Variants in CC2D2B observed in about 807,000 individuals in gnomAD.
The protein encoded by CC2D2B is coiled-coil and C2 domain containing 2B.
A neutral mutation model predicts 161.2 loss-of-function variants in CC2D2B; 128 were observed. That is an observed-to-expected ratio of 0.79 (90% CI 0.69 to 0.92). The LOEUF (loss-of-function observed/expected upper bound fraction) is 0.92. Ranked by LOEUF, CC2D2B falls within the 40% of genes least tolerant of loss-of-function variation. The pLI, the probability that CC2D2B is intolerant of heterozygous loss-of-function variation, is 0.00. For synonymous variants in CC2D2B, 391 were observed against 449.8 expected (o/e 0.87, Z 1.65); for missense variants, 1,173 against 1,375.1 (o/e 0.85, Z 2.32).
intron 25 of CC2D2B, among the ~76,000 whole-genome samples, chr10:96,009,198 G>A (rs1053296150): frequency 9.9e-5 from 15 of 152,018 alleles, no homozygotes; most frequent in Non-Finnish European, 1.5e-5. Flanking sequence ...ACTCTAGACA[G>A]CATACAGTTG....
In CC2D2B at chr10:95,962,763, G is replaced by GTT. The variant is rs35198734; in HGVS notation, c.1250+812_1250+813dup. Reference sequence around the variant, plus strand: ...TTGATTTTTTTTTCTTGCTGCAGTAGTTTTTTTTTTTTTTTTTTTAACAAA... The same window carrying GTT: ...TTGATTTTTTTTTCTTGCTGCAGTAGTTTTTTTTTTTTTTTTTTTTTAACAAA... On this transcript the variant is annotated intron_variant, in intron 12 of 34. Transcript: ENST00000646931. 9.1e-3 allele frequency among the ~76,000 whole-genome samples: 1,185 copies of GTT among 130,748 alleles called. 14 individuals are homozygous for GTT. Among genetic ancestry groups the GTT allele is most frequent in the African/African-American group, 0.018 (618 of 35,264 alleles). 85.8% of individuals were successfully genotyped at this position (130,748 alleles called of 152,430 possible).
At chr10:95,935,518 G>A (rs1432138952) in intron 6 of CC2D2B, among the ~76,000 whole-genome samples, 2 of 149,086 alleles carry the variant, frequency 1.3e-5, no homozygotes. Flanking sequence ...CTTTCTAATG[G>A]TTTCCTACCT....
In CC2D2B at chr10:96,003,021, AATAT is replaced by A. The variant is rs57187442; in HGVS notation, c.2850-1111_2850-1108del. Among the ~76,000 whole-genome samples, 488 of 140,698 alleles carry A rather than the reference AATAT, an allele frequency of 3.5e-3. 2 individuals carry two copies. The highest frequency in any genetic ancestry group is 0.011 in the African/African-American group (407 of 38,524). 92.3% of individuals were successfully genotyped at this position (140,698 alleles called of 152,430 possible). Reference sequence around the variant, plus strand: ...TAGACCCTGTCTCAAAAAATAAATAAATATATATATATATATATATATAGAAATA... The same window carrying A: ...TAGACCCTGTCTCAAAAAATAAATAAATATATATATATATATATAGAAATA... On this transcript the variant is annotated intron_variant, in intron 24 of 34. Coordinates refer to ENST00000646931, the MANE Select transcript of CC2D2B (RefSeq NM_001349008.3).
In CC2D2B at chr10:96,012,689, A is replaced by G; in HGVS notation, c.3386A>G (p.Gln1129Arg). The G allele has an allele frequency of 6.2e-7, 1 of 1,608,044 alleles. No individual in the cohort carries two copies. Among genetic ancestry groups the G allele is most frequent in the Non-Finnish European group, 8.5e-7 (1 of 1,174,630 alleles). Residue 1129 changes from glutamine (Q) to arginine (R), a missense_variant, in exon 28 of 35, where the codon CAA becomes CGA. By Grantham distance (43) the Gln-to-Arg change is conservative (BLOSUM62 1). Transcript: ENST00000646931. ...RYIKALNPPQ[Q>R]LLDIFLHNSN... ...ATCAAGGCATTAAATCCACCTCAGC[A>G]ACTTCTGGATATATTTCTTCACAAT...
chr10:95,956,394 T>A (rs931316987), intron 11 of CC2D2B, among the ~76,000 whole-genome samples: 1 of 152,092 alleles, frequency 6.6e-6, no homozygotes, highest in Non-Finnish European at 1.5e-5. Context: ...TATAACTTTT[T>A]AAAATATGAT....
intron 11 of CC2D2B, 42 bp downstream of exon 11, chr10:95,955,533 T>TA: frequency 2.5e-6 from 1 of 397,746 alleles, no homozygotes; most frequent in Non-Finnish European, 4.4e-6. Context: ...ATTCATTAAG[T>TA]AACTTCTTTA....
chr10:95,993,942 G>GTATATA (rs1159212300), intron 22 of CC2D2B, among the ~76,000 whole-genome samples: 9 of 25,354 alleles, frequency 3.5e-4, no homozygotes, highest in Non-Finnish European at 8.3e-4. Context: ...GTGTGTGTGT[G>GTATATA]TATGTATGTG....
intron 2 of CC2D2B, among the ~76,000 whole-genome samples, chr10:95,915,459 A>G (rs554314196): frequency 3.3e-5 from 5 of 152,314 alleles, no homozygotes; most frequent in Admixed American, 1.3e-4. Flanking sequence ...CAGTGGTGAA[A>G]GTAGGCATCC....
intron 33 of CC2D2B, 61 bp from the exon 34 acceptor site, chr10:96,027,151 T>C: frequency 8.1e-7 from 1 of 1,231,158 alleles, no homozygotes; most frequent in Non-Finnish European, 1.1e-6. Flanking sequence ...ACAAAACTCT[T>C]ATTATATTTA....
chr10:96,003,182 A>T (rs116679639), intron 24 of CC2D2B, among the ~76,000 whole-genome samples: 4 of 151,946 alleles, frequency 2.6e-5, no homozygotes, highest in Non-Finnish European at 5.9e-5. Context: ...AAAGTAACCT[A>T]TTGTACAGGA....
intron 2 of CC2D2B, among the ~76,000 whole-genome samples, chr10:95,911,815 C>CTAA (rs1379648010): frequency 6.6e-6 from 1 of 152,186 alleles, no homozygotes; most frequent in Non-Finnish European, 1.5e-5. Flanking sequence ...TATTTGGGAA[C>CTAA]TAATAAGGGA....
intron 32 of CC2D2B, among the ~76,000 whole-genome samples, chr10:96,023,217 T>G (rs140547724): frequency 6.6e-6 from 1 of 152,340 alleles, no homozygotes; most frequent in East Asian, 1.9e-4. Context: ...TCTATAAATG[T>G]AAAACTCATA....
At chr10:95,909,460 T>C (rs2098502163) in intron 1 of CC2D2B, among the ~76,000 whole-genome samples, 2 of 152,204 alleles carry the variant, frequency 1.3e-5, no homozygotes, top group Admixed American at 1.3e-4. Context: ...TAGGAAACAT[T>C]GCTATAAGAG....
In CC2D2B at chr10:96,013,895, A is replaced by C. The variant is rs542379350; in HGVS notation, c.3516+18A>C. 1.6e-6 allele frequency: 2 copies of C among 1,228,240 alleles called. No individual in the cohort carries two copies. The highest frequency in any genetic ancestry group is 1.6e-5 in the African/African-American group (1 of 63,988). 76.1% of individuals were successfully genotyped at this position (1,228,240 alleles called of 1,614,324 possible). A position where few individuals can be genotyped will look rare whatever the true frequency, so the allele number is the denominator to read the frequency against. ...CATCAGAGGTAATAAATTACATTTT[A>C]TATATATAATTGAAATATATAGTAT... On this transcript the variant is annotated intron_variant, in intron 29 of 34. Coordinates refer to ENST00000646931, the MANE Select transcript of CC2D2B (RefSeq NM_001349008.3).
intron 2 of CC2D2B, 37 bp from the exon 3 acceptor site, chr10:95,921,979 C>G: frequency 8.4e-7 from 1 of 1,191,452 alleles, no homozygotes. Context: ...AGTGACAAAA[C>G]AAGATGCAAG....
At chr10:95,988,218 T>C (rs1590759744) in intron 19 of CC2D2B, 32 bp from the exon 20 acceptor site, 2 of 921,536 alleles carry the variant, frequency 2.2e-6, no homozygotes, top group East Asian at 6.7e-5. Flanking sequence ...TTTGTTACAT[T>C]CAAGAAGTGA....
Position 96,032,349 on chromosome 10 carries a change from C to A in CC2D2B, c.*341C>A. 1 of 218,780 alleles carries A rather than the reference C, an allele frequency of 4.6e-6. No homozygotes were observed. 13.6% of individuals were successfully genotyped at this position (218,780 alleles called of 1,614,324 possible). A position where few individuals can be genotyped will look rare whatever the true frequency, so the allele number is the denominator to read the frequency against. ...GTTTCTCAAATTGTAGAATTCACACCACCTCCATTTGAATCATCTGGAGAG... is the reference window on the plus strand; with the variant it reads ...GTTTCTCAAATTGTAGAATTCACACAACCTCCATTTGAATCATCTGGAGAG... On this transcript the variant is annotated 3_prime_UTR_variant, in exon 35 of 35. Coordinates refer to ENST00000646931, the MANE Select transcript of CC2D2B (RefSeq NM_001349008.3).
chr10:95,941,761 C>T (rs1256506878), intron 9 of CC2D2B, among the ~76,000 whole-genome samples: 4 of 152,036 alleles, frequency 2.6e-5, no homozygotes, highest in East Asian at 1.9e-4. Context: ...TAAAATGGTG[C>T]GACCACTATG....
At chr10:96,014,477 G>A (rs977780209) in intron 29 of CC2D2B, among the ~76,000 whole-genome samples, 1 of 152,106 alleles carries the variant, frequency 6.6e-6, no homozygotes, top group Non-Finnish European at 1.5e-5. Flanking sequence ...AATCATGTTT[G>A]TGTCATAAAC....
Sources: gnomAD v4.1 joint callset for allele counts (sites outside exome capture counted in the v4.1 genomes callset) on GRCh38, gnomAD v4.1.1 for gene constraint, MANE v1.5 for transcripts, NCBI Gene and HGNC (gene_info 2026-07-23, HGNC 2026-07-21) for gene names.